TTLL11: variants seen among roughly 807,000 people sequenced by gnomAD.
TTLL11 encodes the protein tubulin polyglutamylase TTLL11.
A neutral mutation model predicts 51.7 loss-of-function variants in TTLL11; 42 were observed. The ratio of observed to expected loss-of-function variants is 0.81; its 90% CI spans 0.64 to 1.05. TTLL11 has a LOEUF of 1.05. Among genes scored for constraint, TTLL11 ranks in the 50% least tolerant of loss-of-function variants. TTLL11 has a pLI of 0.00. For missense variants in TTLL11, 799 were observed against 940.4 expected (o/e 0.85, Z 1.97); for synonymous variants, 381 against 383.5 (o/e 0.99, Z 0.08).
At chr9:121,887,548 G>A (rs970834092) in intron 6 of TTLL11, among the ~76,000 whole-genome samples, 4 of 152,184 alleles carry the variant, frequency 2.6e-5, no homozygotes, top group African/African-American at 9.7e-5. Context: ...CAGGATCTCA[G>A]CTCAGCTCTG....
intron 1 of TTLL11, among the ~76,000 whole-genome samples, chr9:122,089,916 G>A (rs1846215258): frequency 6.6e-6 from 1 of 152,110 alleles, no homozygotes; most frequent in South Asian, 2.1e-4. Context: ...AGCCTCCCAA[G>A]TAGGTGGAAT....
rs1024975167 is a variant in TTLL11, at chr9:121,855,136, T to C, written c.1840+5201A>G. On this transcript the variant is annotated intron_variant, in intron 8 of 8. Coordinates refer to ENST00000321582, the MANE Select transcript of TTLL11 (RefSeq NM_001139442.2). ...GTAGGTCACTGTCAAATTCTAGCTT[T>C]TGTTTTGAGTGGTGAGTTTGCGGAT... 1.2e-4 allele frequency among the ~76,000 whole-genome samples: 19 copies of C among 152,138 alleles called. 1 individual carries two copies.
At chr9:121,879,672 G>A (rs574930596) in intron 6 of TTLL11, among the ~76,000 whole-genome samples, 1 of 152,256 alleles carries the variant, frequency 6.6e-6, no homozygotes, top group Non-Finnish European at 1.5e-5. Context: ...AGATAAAAAA[G>A]AGTGAAGAAG....
chr9:121,816,719 G>C lies in TTLL11; in HGVS notation c.*5868C>G, dbSNP rs112086408. The stretch of plus-strand genomic sequence containing the variant: ...TGCGTGCGTGTGTGTGCATGCATGC[G>C]CGCGTGTGTGTATAAGCATTATGCT... On this transcript the variant is annotated 3_prime_UTR_variant, in exon 9 of 9. Transcript: ENST00000321582. 1 of 152,142 alleles carries C rather than the reference G, an allele frequency of 6.6e-6. No homozygotes were observed. Among genetic ancestry groups the C allele is most frequent in the Admixed American group, 6.5e-5 (1 of 15,280 alleles). The allele number at this position is 152,142 out of a possible 1,614,324, so 9.4% of individuals were successfully genotyped here.
intron 1 of TTLL11, among the ~76,000 whole-genome samples, chr9:122,061,549 C>T (rs1588247945): frequency 6.6e-6 from 1 of 152,246 alleles, no homozygotes; most frequent in Middle Eastern, 3.4e-3. Flanking sequence ...AATATTTTTG[C>T]CAATTTGATG....
At chr9:122,077,463 T>C (rs1028980575) in intron 1 of TTLL11, among the ~76,000 whole-genome samples, 1 of 151,776 alleles carries the variant, frequency 6.6e-6, no homozygotes, top group Non-Finnish European at 1.5e-5. Flanking sequence ...GGGTAATCAA[T>C]AGAAGAATAA....
At chr9:121,843,375 G>A (rs76169480) in intron 8 of TTLL11, among the ~76,000 whole-genome samples, 3,100 of 152,218 alleles carry the variant, frequency 0.02, 101 homozygotes, top group African/African-American at 0.071. Flanking sequence ...AGCTTCTGGA[G>A]CCAGGAGCTG....
intron 6 of TTLL11, among the ~76,000 whole-genome samples, chr9:121,923,910 C>G (rs1009878350): frequency 6.6e-6 from 1 of 152,080 alleles, no homozygotes; most frequent in Non-Finnish European, 1.5e-5. Flanking sequence ...CCCATAATTC[C>G]CGTATGTTAT....
At chr9:121,951,039 C>A (rs1453152042) in intron 6 of TTLL11, among the ~76,000 whole-genome samples, 1 of 152,202 alleles carries the variant, frequency 6.6e-6, no homozygotes, top group Non-Finnish European at 1.5e-5. Flanking sequence ...ACTGCCAGGG[C>A]TGCCTCTGGC....
intron 6 of TTLL11, among the ~76,000 whole-genome samples, chr9:121,883,315 G>C (rs1273889313): frequency 2.0e-5 from 3 of 152,174 alleles, no homozygotes; most frequent in Non-Finnish European, 4.4e-5. Context: ...GGACTTGATG[G>C]GGTGGTATAA....
At position 121,858,332 on chromosome 9, in the gene TTLL11, C is replaced by T. The variant is rs575247603; in HGVS notation, c.1840+2005G>A. Reference sequence around the variant, plus strand: ...AGGAGAAGGCAACCTGGAACGGGCTCGGGTGGATTGGTGTTTGAACCTTAT... The same window carrying T: ...AGGAGAAGGCAACCTGGAACGGGCTTGGGTGGATTGGTGTTTGAACCTTAT... On this transcript the variant is annotated intron_variant, in intron 8 of 8. Coordinates refer to ENST00000321582, the MANE Select transcript of TTLL11 (RefSeq NM_001139442.2). Among the ~76,000 whole-genome samples the T allele has an allele frequency of 2.2e-4, 33 of 152,244 alleles. No homozygotes were observed. In the South Asian group the frequency reaches 6.2e-3, roughly 29 times the overall value.
chr9:122,023,048 A>C (rs1015124467), intron 3 of TTLL11, among the ~76,000 whole-genome samples: 4 of 151,962 alleles, frequency 2.6e-5, no homozygotes, highest in African/African-American at 9.6e-5. Flanking sequence ...AATAAAACTG[A>C]AAACTTCTAA....
intron 1 of TTLL11, among the ~76,000 whole-genome samples, chr9:122,075,001 T>C (rs181669966): frequency 3.6e-4 from 55 of 152,324 alleles, no homozygotes; most frequent in African/African-American, 1.3e-3. Context: ...TAAATTTTTT[T>C]AAAAATCCCT....
In TTLL11 at chr9:121,998,732, G is replaced by A. The variant is rs538191356; in HGVS notation, c.694-8962C>T. Among the ~76,000 whole-genome samples, 3 of 152,282 alleles carry A rather than the reference G, an allele frequency of 2.0e-5. No homozygotes were observed. In the East Asian group the frequency reaches 5.8e-4, roughly 29 times the overall value. On this transcript the variant is annotated intron_variant, in intron 3 of 8. Coordinates refer to ENST00000321582, the MANE Select transcript of TTLL11 (RefSeq NM_001139442.2). ...GCAATTGCAGTATTGATCAGTGCCA[G>A]GCAGTGCACTAGGCACGTCAATATG...
At chr9:121,851,780 C>A (rs1837669488) in intron 8 of TTLL11, among the ~76,000 whole-genome samples, 1 of 152,206 alleles carries the variant, frequency 6.6e-6, no homozygotes. Flanking sequence ...AAAGTGTGTG[C>A]AAACAATTTA....
chr9:121,952,344 G>A (rs1841875697), intron 6 of TTLL11, among the ~76,000 whole-genome samples: 1 of 151,562 alleles, frequency 6.6e-6, no homozygotes, highest in Non-Finnish European at 1.5e-5. Context: ...TACTTGGGAG[G>A]CTGAGGCAGG....
At chr9:121,834,180 C>A (rs1363018806) in intron 8 of TTLL11, among the ~76,000 whole-genome samples, 1 of 152,200 alleles carries the variant, frequency 6.6e-6, no homozygotes, top group African/African-American at 2.4e-5. Flanking sequence ...GAATCTCAGC[C>A]TTCTCTCCAT....
At chr9:121,871,781 C>G (rs1246013667) in intron 6 of TTLL11, among the ~76,000 whole-genome samples, 1 of 152,248 alleles carries the variant, frequency 6.6e-6, no homozygotes, top group East Asian at 1.9e-4. Flanking sequence ...CCAGCCCAAG[C>G]CTTGTGTGCT....
At chr9:121,900,133 C>G (rs1482432112) in intron 6 of TTLL11, among the ~76,000 whole-genome samples, 1 of 152,174 alleles carries the variant, frequency 6.6e-6, no homozygotes, top group Non-Finnish European at 1.5e-5. Context: ...CCTAATAGTC[C>G]CAATGGCCTC....
Sources: allele counts gnomAD v4.1 joint callset (sites outside exome capture counted in the v4.1 genomes callset), GRCh38; gene constraint gnomAD v4.1.1; transcripts MANE v1.5; gene names NCBI Gene and HGNC (gene_info 2026-07-23, HGNC 2026-07-21).